The following DST variants were observed in gnomAD, a reference collection of about 807,000 sequenced individuals.
DST encodes the protein bullous pemphigoid antigen.
Under a neutral mutation model 875.2 loss-of-function variants are expected in DST, and 253 were observed. That is an observed-to-expected ratio of 0.29 (90% CI 0.26 to 0.32). DST has a LOEUF of 0.32. DST is among the 10% of genes least tolerant of loss of function. DST has a pLI of 1.00. For synonymous variants in DST, 3,124 were observed against 3,197.1 expected (o/e 0.98, Z 0.77); for missense variants, 8,287 against 9,111.6 (o/e 0.91, Z 3.68).
intron 5 of DST, among the ~76,000 whole-genome samples, chr6:56,716,992 T>G (rs1257864094): frequency 6.6e-6 from 1 of 152,018 alleles, no homozygotes; most frequent in Admixed American, 6.6e-5. Flanking sequence ...CCATCCTGGC[T>G]AACACGGTGA....
chr6:56,921,662 ATATAT>A (rs1179116398), intron 2 of DST, among the ~76,000 whole-genome samples: 1 of 152,186 alleles, frequency 6.6e-6, no homozygotes, highest in Non-Finnish European at 1.5e-5. Flanking sequence ...GTTTTACATA[ATATAT>A]TAGAATAGGT....
chr6:56,550,680 T>C (rs990875216), intron 61 of DST, among the ~76,000 whole-genome samples: 1 of 152,196 alleles, frequency 6.6e-6, no homozygotes, highest in African/African-American at 2.4e-5. Flanking sequence ...AAGGTCTTTT[T>C]TCTAAACAAA....
intron 2 of DST, among the ~76,000 whole-genome samples, chr6:56,940,290 T>C (rs1421282102): frequency 6.6e-6 from 1 of 151,820 alleles, no homozygotes; most frequent in Non-Finnish European, 1.5e-5. Flanking sequence ...TATGGATATA[T>C]ATAAAAATAT....
intron 4 of DST, among the ~76,000 whole-genome samples, chr6:56,818,769 C>G (rs989877096): frequency 6.6e-6 from 1 of 152,096 alleles, no homozygotes; most frequent in African/African-American, 2.4e-5. Context: ...CCAAAGGTTT[C>G]AAAGTACTCT....
intron 10 of DST, among the ~76,000 whole-genome samples, chr6:56,663,053 G>T (rs1401099793): frequency 2.0e-5 from 3 of 152,174 alleles, no homozygotes; most frequent in Non-Finnish European, 4.4e-5. Flanking sequence ...ATCTAGGCAA[G>T]AAGGCCAGGA....
intron 2 of DST, among the ~76,000 whole-genome samples, chr6:56,920,472 G>A (rs1803515543): frequency 6.6e-6 from 1 of 152,052 alleles, no homozygotes; most frequent in Non-Finnish European, 1.5e-5. Context: ...GCTACAACCA[G>A]GACATTTCTA....
At position 56,619,305 on chromosome 6, in the gene DST, C is replaced by T. The variant is rs199612891; in HGVS notation, c.4930-4821G>A. On this transcript the variant is annotated intron_variant, in intron 36 of 103. Coordinates refer to ENST00000680361, the MANE Select transcript of DST (RefSeq NM_001374736.1). Reference sequence around the variant, plus strand: ...TCATTATTCTGCCTAGTAAGCTCCTCTACTTTTTGTTTTAGCATCTCTGCA... The same window carrying T: ...TCATTATTCTGCCTAGTAAGCTCCTTTACTTTTTGTTTTAGCATCTCTGCA... 139 of 1,611,978 alleles carry T rather than the reference C, an allele frequency of 8.6e-5. 1 individual carries two copies. The highest frequency in any genetic ancestry group is 1.7e-4 in the Admixed American group (10 of 59,730).
At chr6:56,938,602 G>A (rs950147792) in intron 2 of DST, among the ~76,000 whole-genome samples, 1 of 152,130 alleles carries the variant, frequency 6.6e-6, no homozygotes, top group Non-Finnish European at 1.5e-5. Flanking sequence ...GATTACCTAC[G>A]GTAGATTGCA....
At chr6:56,586,443 T>G (rs925226092) in intron 49 of DST, among the ~76,000 whole-genome samples, 4 of 151,626 alleles carry the variant, frequency 2.6e-5, no homozygotes, top group African/African-American at 4.9e-5. Flanking sequence ...GTTTTCCATT[T>G]GCTTGGTAGA....
At chr6:56,562,334 G>A in intron 55 of DST, 134 bp from the exon 56 acceptor site, 1 of 490,668 alleles carries the variant, frequency 2.0e-6, no homozygotes, top group Non-Finnish European at 3.5e-6. Flanking sequence ...ATCAAATGAA[G>A]GTCCAAAATG....
chr6:56,572,637 T>C (rs986833898), intron 52 of DST, 110 bp downstream of exon 52: 76 of 802,392 alleles, frequency 9.5e-5, no homozygotes, highest in Non-Finnish European at 1.2e-4. Flanking sequence ...TCTTTACTAA[T>C]CTATAAGCAA....
intron 3 of DST, among the ~76,000 whole-genome samples, chr6:56,859,212 T>C (rs553790192): frequency 1.3e-5 from 2 of 152,322 alleles, no homozygotes; most frequent in South Asian, 4.1e-4. Context: ...ACTCTCCTAT[T>C]CCAAGGGACC....
chr6:56,642,671 G>A lies in DST; in HGVS notation c.1779-168C>T, dbSNP rs930619053. 5.0e-6 allele frequency: 8 copies of A among 1,614,150 alleles called. No individual in the cohort carries two copies. Among genetic ancestry groups the A allele is most frequent in the Middle Eastern group, 1.6e-4 (1 of 6,062 alleles). On this transcript the variant is annotated intron_variant, in intron 15 of 103. Transcript: ENST00000680361. Reference sequence around the variant, plus strand: ...CCGAAGCTAATGCAAGAGTTGATCAGTGTTGGACCACAATGAACCAAGAGA... The same window carrying A: ...CCGAAGCTAATGCAAGAGTTGATCAATGTTGGACCACAATGAACCAAGAGA...
At chr6:56,725,614 T>C (rs766942096) in intron 5 of DST, among the ~76,000 whole-genome samples, 36 of 152,122 alleles carry the variant, frequency 2.4e-4, no homozygotes, top group Non-Finnish European at 4.6e-4. Flanking sequence ...TTAAATCTAT[T>C]TGGGAATGAG....
At chr6:56,779,485 C>G (rs972027193) in intron 4 of DST, among the ~76,000 whole-genome samples, 21 of 151,986 alleles carry the variant, frequency 1.4e-4, no homozygotes, top group African/African-American at 4.8e-4. Flanking sequence ...ATGGTATTGT[C>G]TAGGTTTTCT....
chr6:56,745,374 TTTC>T (rs1447564535), intron 4 of DST, among the ~76,000 whole-genome samples: 1 of 152,208 alleles, frequency 6.6e-6, no homozygotes, highest in African/African-American at 2.4e-5. Flanking sequence ...TAAGAAAAGC[TTTC>T]TTCTTGCACA....
In DST at chr6:56,853,737, C is replaced by T. The variant is rs539711197; in HGVS notation, c.418-2133G>A. 4.7e-4 allele frequency among the ~76,000 whole-genome samples: 72 copies of T among 152,084 alleles called. 1 individual carries two copies. The highest frequency in any genetic ancestry group is 1.6e-3 in the African/African-American group (67 of 41,464). On this transcript the variant is annotated intron_variant, in intron 3 of 103. Coordinates refer to ENST00000680361, the MANE Select transcript of DST (RefSeq NM_001374736.1). ...GAACAACGAAATGTGATTTATGCCACGACATAAACACCATTAATCACTCAT... is the reference window on the plus strand; with the variant it reads ...GAACAACGAAATGTGATTTATGCCATGACATAAACACCATTAATCACTCAT...
intron 2 of DST, among the ~76,000 whole-genome samples, chr6:56,919,289 C>T (rs954066708): frequency 3.9e-5 from 6 of 152,076 alleles, no homozygotes; most frequent in Non-Finnish European, 8.8e-5. Context: ...AAACATTCTC[C>T]TATACCTTCT....
chr6:56,837,797 A>G (rs1227461976), intron 4 of DST, among the ~76,000 whole-genome samples: 56 of 152,074 alleles, frequency 3.7e-4, no homozygotes, highest in Admixed American at 3.5e-3. Flanking sequence ...TCACAGGGTG[A>G]AATCCCATTT....
Sources: gnomAD v4.1 joint callset for allele counts (sites outside exome capture counted in the v4.1 genomes callset) on GRCh38, gnomAD v4.1.1 for gene constraint, MANE v1.5 for transcripts, NCBI Gene and HGNC (gene_info 2026-07-23, HGNC 2026-07-21) for gene names.